The following GALNT18 variants were observed in gnomAD, a reference collection of about 807,000 sequenced individuals.
GALNT18 encodes the protein polypeptide N-acetylgalactosaminyltransferase 18, also known as GalNAc-transferase 18.
A neutral mutation model predicts 69.5 loss-of-function variants in GALNT18; 44 were observed. That is an observed-to-expected ratio of 0.63 (90% CI 0.50 to 0.81). The LOEUF is 0.81. GALNT18 is among the 40% of genes least tolerant of loss of function. The pLI, the probability that GALNT18 is intolerant of heterozygous loss-of-function variation, is 0.00. For synonymous variants in GALNT18, 364 were observed against 318.2 expected, an observed-to-expected ratio of 1.14 and a Z score of -1.53; for missense variants, 715 against 810.0, an observed-to-expected ratio of 0.88 and a Z score of 1.42.
rs1860000882 is a variant in GALNT18 at position 11,614,533 on chromosome 11, G to T, written c.235+6826C>A. Among the ~76,000 whole-genome samples, 1 of 152,234 alleles carries T rather than the reference G, an allele frequency of 6.6e-6. No individual in the cohort carries two copies. The highest frequency in any genetic ancestry group is 1.5e-5 in the Non-Finnish European group (1 of 68,022). On this transcript the variant is annotated intron_variant, in intron 1 of 10. Coordinates refer to ENST00000227756, the MANE Select transcript of GALNT18 (RefSeq NM_198516.3). This position sits in a 1 kb window ranked among gnomAD's most constrained non-coding sequence, Gnocchi z 5.6. ...ACTAGGCCCCACCTCAAACACTGGG[G>T]ACCACATTTCAACATGAGATTTGGA...
intron 2 of GALNT18, among the ~76,000 whole-genome samples, chr11:11,433,008 G>A (rs2133795380): frequency 6.6e-6 from 1 of 152,358 alleles, no homozygotes; most frequent in Middle Eastern, 3.4e-3. Flanking sequence ...GAAGTTGTCA[G>A]TGACTATGCC....
rs1856836958 is a variant in GALNT18, at chr11:11,494,719, A to G, written c.236-45783T>C. On this transcript the variant is annotated intron_variant, in intron 1 of 10. Coordinates refer to ENST00000227756, the MANE Select transcript of GALNT18 (RefSeq NM_198516.3). The surrounding 1 kb of genome is among the most constrained non-coding windows in gnomAD (Gnocchi z 5.7). The stretch of plus-strand genomic sequence containing the variant: ...AGTTCCTCTTCTATTCTGTCAGTAC[A>G]CACACTCCTCATCCTGGGGCATTTC... 1.3e-5 allele frequency among the ~76,000 whole-genome samples: 2 copies of G among 152,332 alleles called. No homozygotes were observed. The highest frequency in any genetic ancestry group is 6.8e-3 in the Middle Eastern group (2 of 294).
At chr11:11,294,609 GA>G (rs33946765) in intron 9 of GALNT18, among the ~76,000 whole-genome samples, 88,568 of 142,074 alleles carry the variant, frequency 0.62, 27,465 homozygotes, top group South Asian at 0.67. Flanking sequence ...ACACATCCCA[GA>G]AAAAAAAAAA....
chr11:11,548,968 G>A (rs551026266), intron 1 of GALNT18, among the ~76,000 whole-genome samples: 1 of 152,298 alleles, frequency 6.6e-6, no homozygotes, highest in South Asian at 2.1e-4. Context: ...AATTATGGCT[G>A]GACACATGGC....
At chr11:11,443,243 A>G (rs10466407) in intron 2 of GALNT18, among the ~76,000 whole-genome samples, 149,655 of 152,258 alleles carry the variant, frequency 0.98, 73,610 homozygotes, top group Middle Eastern at 1. Context: ...ACCCTGCGCC[A>G]TCCTCCTTCT....
intron 3 of GALNT18, among the ~76,000 whole-genome samples, chr11:11,385,628 G>A (rs1854038677): frequency 6.6e-6 from 1 of 152,094 alleles, no homozygotes; most frequent in Non-Finnish European, 1.5e-5. Context: ...GAGATTTGGT[G>A]GGGACAAATA....
chr11:11,271,339 C>A, intron 10 of GALNT18, 49 bp from the exon 11 acceptor site: 1 of 1,584,632 alleles, frequency 6.3e-7, no homozygotes, highest in Non-Finnish European at 8.6e-7. Context: ...AGGCAACATG[C>A]AGAAATTCGG....
chr11:11,550,364 C>T (rs1275224893), intron 1 of GALNT18, among the ~76,000 whole-genome samples: 1 of 152,224 alleles, frequency 6.6e-6, no homozygotes, highest in Non-Finnish European at 1.5e-5. Context: ...GTCCCATTCC[C>T]ACAGTTTTCC....
At chr11:11,482,720 A>G (rs1856560893) in intron 1 of GALNT18, among the ~76,000 whole-genome samples, 1 of 152,236 alleles carries the variant, frequency 6.6e-6, no homozygotes. Flanking sequence ...TCCCAGGCAC[A>G]CTAAGGTGAT....
intron 1 of GALNT18, among the ~76,000 whole-genome samples, chr11:11,464,214 A>T (rs564798101): frequency 6.6e-6 from 1 of 152,348 alleles, no homozygotes; most frequent in South Asian, 2.1e-4. Context: ...ACTTTCTTCC[A>T]TAATCATGAG....
intron 7 of GALNT18, among the ~76,000 whole-genome samples, chr11:11,333,144 A>G (rs1850049248): frequency 6.6e-6 from 1 of 151,694 alleles, no homozygotes; most frequent in Non-Finnish European, 1.5e-5. Context: ...GGAAGAATCC[A>G]TCTGAATAAA....
chr11:11,325,582 A>G (rs1439102798), intron 9 of GALNT18, among the ~76,000 whole-genome samples: 2 of 152,214 alleles, frequency 1.3e-5, no homozygotes, highest in African/African-American at 4.8e-5. Context: ...TATATATTAT[A>G]TAGTCCTATT....
At chr11:11,477,083 T>C (rs1856417975) in intron 1 of GALNT18, among the ~76,000 whole-genome samples, 1 of 152,176 alleles carries the variant, frequency 6.6e-6, no homozygotes, top group Non-Finnish European at 1.5e-5. Flanking sequence ...AGATTTGGGT[T>C]CCCTGAAGTT....
Position 11,505,681 on chromosome 11 carries a change from C to T in GALNT18, c.236-56745G>A, listed in dbSNP as rs1857054805. 6.6e-6 allele frequency among the ~76,000 whole-genome samples: 1 copy of T among 152,200 alleles called. No individual in the cohort carries two copies. Among genetic ancestry groups the T allele is most frequent in the Admixed American group, 6.5e-5 (1 of 15,280 alleles). On this transcript the variant is annotated intron_variant, in intron 1 of 10. Coordinates refer to ENST00000227756, the MANE Select transcript of GALNT18 (RefSeq NM_198516.3). This position sits in a 1 kb window ranked among gnomAD's most constrained non-coding sequence, Gnocchi z 4.6. ...TCCTCCTCACCAGATTCAGAAGTCC[C>T]CATTCTGATTTAATACCACACTCGC...
rs937662546 is a variant in GALNT18, at chr11:11,590,437, C to T, written c.235+30922G>A. Among the ~76,000 whole-genome samples, 3 of 152,198 alleles carry T rather than the reference C, an allele frequency of 2.0e-5. No individual in the cohort carries two copies. The highest frequency in any genetic ancestry group is 4.8e-5 in the African/African-American group (2 of 41,438). ...ATATTTTCATTGTACTGGTTAAAGC[C>T]ACTGGTTTGGAAGTTGACATTAAAA... On this transcript the variant is annotated intron_variant, in intron 1 of 10. Transcript: ENST00000227756. This position sits in a 1 kb window ranked among gnomAD's most constrained non-coding sequence, Gnocchi z 4.4.
rs1390925390 is a variant in GALNT18 at position 11,562,723 on chromosome 11, C to T, written c.235+58636G>A. 1.3e-5 allele frequency among the ~76,000 whole-genome samples: 2 copies of T among 152,198 alleles called. No individual in the cohort carries two copies. The highest frequency in any genetic ancestry group is 6.5e-5 in the Admixed American group (1 of 15,284). Reference sequence around the variant, plus strand: ...ATGAAATTCCGTAGGGAGAAAGGCTCAACCACGCATTAAGTTCCTCCAAAC... The same window carrying T: ...ATGAAATTCCGTAGGGAGAAAGGCTTAACCACGCATTAAGTTCCTCCAAAC... On this transcript the variant is annotated intron_variant, in intron 1 of 10. Coordinates refer to ENST00000227756, the MANE Select transcript of GALNT18 (RefSeq NM_198516.3). This position sits in a 1 kb window ranked among gnomAD's most constrained non-coding sequence, Gnocchi z 4.1.
intron 3 of GALNT18, among the ~76,000 whole-genome samples, chr11:11,416,597 TC>T (rs1854863308): frequency 6.6e-6 from 1 of 152,178 alleles, no homozygotes; most frequent in Non-Finnish European, 1.5e-5. Flanking sequence ...CAACTCACAT[TC>T]CTTTCCCTGG....
At chr11:11,390,015 T>C (rs1297476501) in intron 3 of GALNT18, among the ~76,000 whole-genome samples, 1 of 152,144 alleles carries the variant, frequency 6.6e-6, no homozygotes, top group Non-Finnish European at 1.5e-5. Flanking sequence ...TGATTCTGAA[T>C]CCAAAATTTC....
intron 2 of GALNT18, among the ~76,000 whole-genome samples, chr11:11,445,467 A>G (rs1855627404): frequency 6.6e-6 from 1 of 152,238 alleles, no homozygotes; most frequent in Non-Finnish European, 1.5e-5. Flanking sequence ...TCCAAAATGA[A>G]TTAAGAAGGA....
Sources: gnomAD v4.1 joint callset for allele counts (sites outside exome capture counted in the v4.1 genomes callset) on GRCh38, gnomAD v4.1.1 for gene constraint, Gnocchi (gnomAD v3.1) non-coding constraint, MANE v1.5 for transcripts, NCBI Gene and HGNC (gene_info 2026-07-23, HGNC 2026-07-21) for gene names.